TMEM65: variants seen among roughly 807,000 people sequenced by gnomAD.
The protein encoded by TMEM65 is transmembrane protein 65.
In TMEM65, 22 loss-of-function variants were observed where a neutral mutation model predicts 25.4. The ratio of observed to expected loss-of-function variants is 0.86; its 90% confidence interval spans 0.62 to 1.23. The LOEUF (loss-of-function observed/expected upper bound fraction) is 1.23. Ranked by LOEUF, TMEM65 falls within the 50% of genes most tolerant of loss-of-function variation. The pLI is 0.00. For missense variants in TMEM65, 262 were observed against 308.2 expected (o/e 0.85, Z 1.12); for synonymous variants, 132 against 126.2 (o/e 1.05, Z -0.31).
intron 6 of TMEM65, among the ~76,000 whole-genome samples, chr8:124,319,850 T>TA (rs1357486403): frequency 6.6e-6 from 1 of 152,220 alleles, no homozygotes; most frequent in East Asian, 1.9e-4. Flanking sequence ...CTATAAGAGA[T>TA]ACTCCCTAAT....
chr8:124,359,657 G>C (rs1285650904), intron 1 of TMEM65, among the ~76,000 whole-genome samples: 1 of 151,946 alleles, frequency 6.6e-6, no homozygotes, highest in East Asian at 1.9e-4. Context: ...CACAAGGGAG[G>C]CTTGAACCTG....
chr8:124,336,075 T>C (rs1275271537), intron 1 of TMEM65, among the ~76,000 whole-genome samples: 3 of 152,028 alleles, frequency 2.0e-5, no homozygotes, highest in African/African-American at 7.2e-5. Flanking sequence ...GCTTTATTAA[T>C]ATCAGATGAG....
At chr8:124,325,386 AT>A (rs1320926702) in intron 3 of TMEM65, among the ~76,000 whole-genome samples, 19 of 151,956 alleles carry the variant, frequency 1.3e-4, no homozygotes, top group Non-Finnish European at 2.4e-4. Context: ...TAGTCTCAGC[AT>A]TCTATATAAC....
chr8:124,364,605 A>G lies in TMEM65; in HGVS notation c.304+7249T>C, dbSNP rs567833475. ...TTTACTAAGGCAGATAAAAAATGCA[A>G]TATGTTCAAATATTTTATCATCAAA... is the stretch of plus-strand genomic sequence containing the variant. On this transcript the variant is annotated intron_variant, in intron 1 of 6. Coordinates refer to ENST00000297632, the MANE Select transcript of TMEM65 (RefSeq NM_194291.3). Among the ~76,000 whole-genome samples the G allele has an allele frequency of 4.6e-5, 7 of 152,354 alleles. No individual in the cohort carries two copies. In the East Asian group the frequency reaches 1.2e-3, roughly 25 times the overall value.
chr8:124,322,054 CAGAA>C (rs750459377), intron 5 of TMEM65, 47 bp downstream of exon 5: 4 of 1,303,124 alleles, frequency 3.1e-6, no homozygotes, highest in Non-Finnish European at 4.3e-6. Context: ...GAGTGGGGAA[CAGAA>C]AGACAGCAAG....
intron 1 of TMEM65, among the ~76,000 whole-genome samples, chr8:124,366,146 C>T (rs543956216): frequency 1.7e-4 from 26 of 152,250 alleles, no homozygotes; most frequent in African/African-American, 3.4e-4. Context: ...CGCTTGAACC[C>T]GGGAGGCAGA....
At chr8:124,358,031 T>C (rs960370952) in intron 1 of TMEM65, among the ~76,000 whole-genome samples, 2 of 152,042 alleles carry the variant, frequency 1.3e-5, no homozygotes, top group African/African-American at 2.4e-5. Flanking sequence ...GGTTTCGCCA[T>C]GTTAGCCAGG....
chr8:124,307,137 G>C lies in TMEM65; in HGVS notation c.*6823C>G, dbSNP rs904311009. 6.6e-6 allele frequency: 1 copy of C among 152,158 alleles called. No individual in the cohort carries two copies. The highest frequency in any genetic ancestry group is 2.4e-5 in the African/African-American group (1 of 41,430). 9.4% of individuals were successfully genotyped at this position (152,158 alleles called of 1,614,324 possible). A position where few individuals can be genotyped will look rare whatever the true frequency, so the allele number is the denominator to read the frequency against. On this transcript the variant is annotated 3_prime_UTR_variant, in exon 7 of 7. Transcript: ENST00000297632. The stretch of plus-strand genomic sequence containing the variant: ...CCTGTTGCTGTTGCTGTGAGCTCAA[G>C]TGCTGTATTCACTTAAAATGCCATG...
intron 1 of TMEM65, among the ~76,000 whole-genome samples, chr8:124,360,644 A>G (rs897515639): frequency 6.6e-6 from 1 of 152,104 alleles, no homozygotes; most frequent in African/African-American, 2.4e-5. Flanking sequence ...TGATTATACA[A>G]TTAATTATTT....
chr8:124,365,006 C>T (rs990605818), intron 1 of TMEM65, among the ~76,000 whole-genome samples: 15 of 152,134 alleles, frequency 9.9e-5, no homozygotes, highest in Admixed American at 8.5e-4. Context: ...AAAACAATCT[C>T]CACTAATAAT....
At chr8:124,364,171 A>T (rs1814909709) in intron 1 of TMEM65, among the ~76,000 whole-genome samples, 1 of 152,206 alleles carries the variant, frequency 6.6e-6, no homozygotes, top group African/African-American at 2.4e-5. Flanking sequence ...CTGAAAAGCA[A>T]AGGGAGGAAG....
intron 1 of TMEM65, among the ~76,000 whole-genome samples, chr8:124,335,102 A>G (rs1474456414): frequency 6.6e-6 from 1 of 152,180 alleles, no homozygotes; most frequent in Non-Finnish European, 1.5e-5. Context: ...AAGATTCAAG[A>G]AGTTCAGTGA....
chr8:124,315,529 G>T (rs1814225428), intron 6 of TMEM65, among the ~76,000 whole-genome samples: 1 of 151,882 alleles, frequency 6.6e-6, no homozygotes, highest in South Asian at 2.1e-4. Context: ...CACTGTATTA[G>T]CCAGGATGGT....
chr8:124,330,832 C>T (rs66726154), intron 1 of TMEM65, 40 bp from the exon 2 acceptor site: 26,948 of 1,529,662 alleles, frequency 0.018, 577 homozygotes, highest in African/African-American at 0.073. Context: ...GAATTAGTTA[C>T]TACAGCGTGA....
In TMEM65 at chr8:124,307,256, A is replaced by G. The variant is rs1241234505; in HGVS notation, c.*6704T>C. Reference sequence around the variant, plus strand: ...CTCTCATGGTTCTCAGTTATTTTTCATCATGTTTAGTACAACCATAAACCT... The same window carrying G: ...CTCTCATGGTTCTCAGTTATTTTTCGTCATGTTTAGTACAACCATAAACCT... On this transcript the variant is annotated 3_prime_UTR_variant, in exon 7 of 7. Coordinates refer to ENST00000297632, the MANE Select transcript of TMEM65 (RefSeq NM_194291.3). The G allele has an allele frequency of 6.6e-6, 1 of 152,184 alleles. No homozygotes were observed. Among genetic ancestry groups the G allele is most frequent in the Non-Finnish European group, 1.5e-5 (1 of 68,052 alleles). 9.4% of individuals were successfully genotyped at this position (152,184 alleles called of 1,614,324 possible).
chr8:124,354,209 A>G (rs1234088068), intron 1 of TMEM65, among the ~76,000 whole-genome samples: 1 of 152,260 alleles, frequency 6.6e-6, no homozygotes, highest in Non-Finnish European at 1.5e-5. Context: ...CAAGGGGAAG[A>G]CTAAGGAACT....
chr8:124,357,806 T>A (rs887021733), intron 1 of TMEM65, among the ~76,000 whole-genome samples: 17 of 137,166 alleles, frequency 1.2e-4, no homozygotes, highest in African/African-American at 1.6e-4. Flanking sequence ...CCTTTTTTTT[T>A]ATATATATTT....
Position 124,310,438 on chromosome 8 carries a change from C to T in TMEM65, c.*3522G>A, listed in dbSNP as rs1814142056. 6.6e-6 allele frequency: 1 copy of T among 152,116 alleles called. No homozygotes were observed. The highest frequency in any genetic ancestry group is 2.4e-5 in the African/African-American group (1 of 41,442). 9.4% of individuals were successfully genotyped at this position (152,116 alleles called of 1,614,324 possible). The stretch of plus-strand genomic sequence containing the variant: ...AAAGCCCATGCAACTGATGTCCCTA[C>T]TGCCTAGCAGTTAAGAAGACAGGCT... On this transcript the variant is annotated 3_prime_UTR_variant, in exon 7 of 7. Transcript: ENST00000297632.
Position 124,308,043 on chromosome 8 carries a change from A to G in TMEM65, c.*5917T>C, listed in dbSNP as rs971028051. ...CTGTTAACTCCCAAGTCTTGAAGGG[A>G]AAAGATAAACACCAGCTGCCAGTCT... is the stretch of plus-strand genomic sequence containing the variant. On this transcript the variant is annotated 3_prime_UTR_variant, in exon 7 of 7. Coordinates refer to ENST00000297632, the MANE Select transcript of TMEM65 (RefSeq NM_194291.3). 62 of 152,166 alleles carry G rather than the reference A, an allele frequency of 4.1e-4. No homozygotes were observed. Among genetic ancestry groups the G allele is most frequent in the African/African-American group, 1.5e-3 (62 of 41,440 alleles). The allele number at this position is 152,166 out of a possible 1,614,324, so 9.4% of individuals were successfully genotyped here. A position where few individuals can be genotyped will look rare whatever the true frequency, so the allele number is the denominator to read the frequency against.
Sources: allele counts gnomAD v4.1 joint callset (sites outside exome capture counted in the v4.1 genomes callset), GRCh38; gene constraint gnomAD v4.1.1; transcripts MANE v1.5; gene names NCBI Gene and HGNC (gene_info 2026-07-23, HGNC 2026-07-21).